Variants in SCN10A observed in about 807,000 individuals in gnomAD.
The protein encoded by SCN10A is sodium voltage-gated channel alpha subunit 10.
SCN10A carries 162 observed loss-of-function variants against 170.7 expected under a neutral mutation model. The observed-to-expected ratio is 0.95, with a 90% confidence interval of 0.84 to 1.08. The LOEUF is 1.08. Among genes scored for constraint, SCN10A ranks in the 50% least tolerant of loss-of-function variants. The pLI, the probability that SCN10A is intolerant of heterozygous loss-of-function variation, is 0.00. For synonymous variants in SCN10A, 985 were observed against 904.6 expected, an observed-to-expected ratio of 1.09 and a Z score of -1.59; for missense variants, 2,527 against 2,436.9, an observed-to-expected ratio of 1.04 and a Z score of -0.78.
At chr3:38,718,427 G>C (rs2063354497) in intron 21 of SCN10A, among the ~76,000 whole-genome samples, 1 of 152,226 alleles carries the variant, frequency 6.6e-6, no homozygotes, top group African/African-American at 2.4e-5. Flanking sequence ...TCTGAATGGA[G>C]ACCTAATAAC....
At chr3:38,752,585 T>C (rs1372783815) in intron 11 of SCN10A, 73 bp from the exon 12 acceptor site, 2 of 1,259,514 alleles carry the variant, frequency 1.6e-6, no homozygotes, top group African/African-American at 1.5e-5. Flanking sequence ...AACACTTCCC[T>C]CTACCTACTC....
At chr3:38,753,492 T>C (rs1297261975) in intron 11 of SCN10A, among the ~76,000 whole-genome samples, 2 of 152,212 alleles carry the variant, frequency 1.3e-5, no homozygotes, top group Non-Finnish European at 2.9e-5. Flanking sequence ...CTAATCCCCT[T>C]ATCTCACAGA....
chr3:38,793,465 G>A (rs1004412037), intron 2 of SCN10A, among the ~76,000 whole-genome samples: 10 of 152,100 alleles, frequency 6.6e-5, no homozygotes, highest in Non-Finnish European at 5.9e-5. Flanking sequence ...CAGGCCAGAG[G>A]TCATCCAAGG....
chr3:38,809,682 C>T (rs1281233433), intron 1 of SCN10A, among the ~76,000 whole-genome samples: 1 of 152,150 alleles, frequency 6.6e-6, no homozygotes. Context: ...TTAGTTTTCT[C>T]ATTTGTACAA....
intron 21 of SCN10A, among the ~76,000 whole-genome samples, chr3:38,717,648 A>G (rs934506105): frequency 1.6e-4 from 25 of 152,312 alleles, no homozygotes; most frequent in Non-Finnish European, 2.1e-4. Flanking sequence ...GCTGGACAGA[A>G]TGTTCTGTGC....
chr3:38,772,511 A>G (rs1036304232), intron 4 of SCN10A, among the ~76,000 whole-genome samples: 11 of 152,052 alleles, frequency 7.2e-5, no homozygotes, highest in African/African-American at 2.7e-4. Flanking sequence ...AACGCGGTGA[A>G]ACCCCGTCTC....
At position 38,697,107 on chromosome 3, in the gene SCN10A, G is replaced by A. The variant is rs1382977281; in HGVS notation, c.*242C>T. On this transcript the variant is annotated 3_prime_UTR_variant, in exon 28 of 28. Coordinates refer to ENST00000449082, the MANE Select transcript of SCN10A (RefSeq NM_006514.4). ...TTTTCTGGAGAGTAAGAGAACCCAT[G>A]ATCTGATATTGAAATTCAGAAGGGA... 1.8e-6 allele frequency: 1 copy of A among 557,916 alleles called. No homozygotes were observed. The highest frequency in any genetic ancestry group is 3.1e-6 in the Non-Finnish European group (1 of 317,754). The allele number at this position is 557,916 out of a possible 1,614,324, so 34.6% of individuals were successfully genotyped here. A position where few individuals can be genotyped will look rare whatever the true frequency, so the allele number is the denominator to read the frequency against.
chr3:38,754,427 G>A (rs1271177323), intron 11 of SCN10A, among the ~76,000 whole-genome samples: 1 of 152,214 alleles, frequency 6.6e-6, no homozygotes, highest in Admixed American at 6.5e-5. Context: ...ATTGTTGAAT[G>A]AACAAGTTAC....
intron 15 of SCN10A, among the ~76,000 whole-genome samples, chr3:38,737,151 T>A: frequency 6.6e-6 from 1 of 150,744 alleles, no homozygotes; most frequent in East Asian, 1.9e-4. Context: ...TTTGTATTTT[T>A]AGTAGAGACG....
intron 18 of SCN10A, among the ~76,000 whole-genome samples, 174 bp downstream of exon 18, chr3:38,725,000 C>A (rs899684194): frequency 2.6e-5 from 4 of 152,096 alleles, no homozygotes; most frequent in African/African-American, 7.2e-5. Flanking sequence ...TGAAATTGTG[C>A]GGATTAGCCG....
At chr3:38,723,206 C>T (rs542063894) in intron 19 of SCN10A, among the ~76,000 whole-genome samples, 1 of 152,228 alleles carries the variant, frequency 6.6e-6, no homozygotes, top group East Asian at 1.9e-4. Flanking sequence ...GAGGAAGGCC[C>T]ACGTCTCTCC....
Position 38,697,366 on chromosome 3 carries a change from T to A in SCN10A, c.5854A>T (p.Ile1952Phe). ...TGTTCTCACTAGGGCCCAGGGGCAATCAGCTCCATACTGGTGGCTTCATCT... is the reference window on the plus strand; with the variant it reads ...TGTTCTCACTAGGGCCCAGGGGCAAACAGCTCCATACTGGTGGCTTCATCT... Reference protein sequence around the residue: ...NEDEATSMELIAPGP With the variant: ...NEDEATSMELFAPGP Residue 1952 changes from isoleucine to phenylalanine, a missense_variant, in exon 28 of 28, where the codon ATT (isoleucine) becomes TTT (phenylalanine). Coordinates refer to ENST00000449082, the MANE Select transcript of SCN10A (RefSeq NM_006514.4). The A allele has an allele frequency of 6.2e-7, 1 of 1,613,812 alleles. No homozygotes were observed. Among genetic ancestry groups the A allele is most frequent in the African/African-American group, 1.3e-5 (1 of 75,018 alleles).
chr3:38,709,341 C>T, intron 25 of SCN10A, 137 bp downstream of exon 25: 1 of 764,950 alleles, frequency 1.3e-6, no homozygotes, highest in Middle Eastern at 2.5e-4. Context: ...AATCACAGGG[C>T]AAGGGTTAGC....
intron 15 of SCN10A, among the ~76,000 whole-genome samples, chr3:38,737,885 C>G (rs2063587825): frequency 7.4e-6 from 1 of 134,576 alleles, no homozygotes; most frequent in Non-Finnish European, 1.6e-5. Flanking sequence ...CTTGCTCTCT[C>G]TCTTTCTTTC....
intron 4 of SCN10A, among the ~76,000 whole-genome samples, chr3:38,782,731 C>G (rs1009345970): frequency 2.0e-5 from 3 of 151,936 alleles, no homozygotes; most frequent in Non-Finnish European, 4.4e-5. Flanking sequence ...TAACCATCTT[C>G]TGATTTATAT....
Position 38,702,097 on chromosome 3 carries a change from C to A in SCN10A, c.4399G>T (p.Gly1467Cys). Reference protein sequence around the residue: ...PIPRPLNKFQGFVFDIVTRQA... With the variant: ...PIPRPLNKFQCFVFDIVTRQA... ...CTGGTCACGATGTCAAAGACAAAAC[C>A]CTGGAACTTGTTCTGAGAAAACAAG... The change falls in exon 27 of 28, where the codon GGT (glycine) becomes TGT (cysteine). Residue 1467 changes from glycine (G) to cysteine (C), a missense_variant. Transcript: ENST00000449082. The A allele has an allele frequency of 6.4e-7, 1 of 1,552,654 alleles. No individual in the cohort carries two copies. The highest frequency in any genetic ancestry group is 8.7e-7 in the Non-Finnish European group (1 of 1,151,386).
At position 38,757,106 on chromosome 3, in the gene SCN10A, T is replaced by C. The variant is rs966272776; in HGVS notation, c.1004A>G (p.Asn335Ser). 1.1e-5 allele frequency: 18 copies of C among 1,613,454 alleles called. No homozygotes were observed. Among genetic ancestry groups the C allele is most frequent in the Non-Finnish European group, 1.4e-5 (16 of 1,179,760 alleles). The stretch of plus-strand genomic sequence containing the variant: ...AGCAAAGGAATCAAAGCTGGTGTAG[T>C]TAAAATCCGGGTTGTCAGAAGTTTT... Reference protein sequence around the residue: ...CLKTSDNPDFNYTSFDSFAWA... With the variant: ...CLKTSDNPDFSYTSFDSFAWA... The change falls in exon 9 of 28, where the codon AAC becomes AGC. Residue 335 changes from asparagine (N) to serine (S), a missense_variant. Physicochemically the swap from Asn to Ser is conservative, Grantham distance 46 (BLOSUM62 1). Transcript: ENST00000449082.
intron 23 of SCN10A, among the ~76,000 whole-genome samples, chr3:38,711,133 A>G (rs1327377471): frequency 6.6e-6 from 1 of 152,246 alleles, no homozygotes; most frequent in Non-Finnish European, 1.5e-5. Context: ...AGAGCCTTTC[A>G]GAATGTAGTA....
intron 17 of SCN10A, among the ~76,000 whole-genome samples, chr3:38,725,660 C>T (rs937983315): frequency 3.3e-5 from 5 of 152,252 alleles, no homozygotes; most frequent in Admixed American, 2.6e-4. Flanking sequence ...AAACACTTTG[C>T]ACGAAGTGCT....
Sources: allele counts gnomAD v4.1 joint callset (sites outside exome capture counted in the v4.1 genomes callset), GRCh38; gene constraint gnomAD v4.1.1; transcripts MANE v1.5; gene names NCBI Gene and HGNC (gene_info 2026-07-23, HGNC 2026-07-21).